EIPR1: variants seen among roughly 807,000 people sequenced by gnomAD.
EIPR1 encodes EARP and GARP complex-interacting protein 1.
Under a neutral mutation model 48.1 loss-of-function variants are expected in EIPR1, and 25 were observed. That is an observed-to-expected ratio of 0.52 (90% CI 0.38 to 0.73). EIPR1 has a LOEUF of 0.73. Among genes scored for constraint, EIPR1 ranks in the 30% least tolerant of loss-of-function variants. The pLI is 0.00. For missense variants in EIPR1, 415 were observed against 506.2 expected, an observed-to-expected ratio of 0.82 and a Z score of 1.73; for synonymous variants, 204 against 201.9, an observed-to-expected ratio of 1.01 and a Z score of -0.09.
rs1664536827 is a variant in EIPR1, at chr2:3,189,703, CCCT to C, written c.990-198_990-196del. Among the ~76,000 whole-genome samples, 2 of 152,162 alleles carry C rather than the reference CCCT, an allele frequency of 1.3e-5. No homozygotes were observed. Among genetic ancestry groups the C allele is most frequent in the Non-Finnish European group, 2.9e-5 (2 of 68,026 alleles). ...GGTGGTCCCTGCAGAAGCCCAGAAA[CCCT>C]CACTGTCACTGTGAGGAGTGGGCAT... On this transcript the variant is annotated intron_variant, in intron 8 of 8. Coordinates refer to ENST00000382125, the MANE Select transcript of EIPR1 (RefSeq NM_003310.5). This position sits in a 1 kb window ranked among gnomAD's most constrained non-coding sequence, Gnocchi z 4.6.
chr2:3,263,935 G>T (rs947300468), intron 3 of EIPR1, among the ~76,000 whole-genome samples: 1 of 152,182 alleles, frequency 6.6e-6, no homozygotes, highest in Non-Finnish European at 1.5e-5. Flanking sequence ...ATTCATATTT[G>T]CATTACCTTA....
chr2:3,302,148 C>T (rs1572415759), intron 3 of EIPR1, among the ~76,000 whole-genome samples: 1 of 152,128 alleles, frequency 6.6e-6, no homozygotes. Context: ...CCAGATCCAG[C>T]CACCTGAAAA....
intron 4 of EIPR1, 64 bp downstream of exon 4, chr2:3,257,235 C>T: frequency 6.5e-7 from 1 of 1,540,080 alleles, no homozygotes; most frequent in Non-Finnish European, 8.8e-7. Flanking sequence ...GGAATCTGCA[C>T]AAGCTCCTGC....
At chr2:3,234,254 C>A (rs1034216281) in intron 4 of EIPR1, among the ~76,000 whole-genome samples, 2 of 152,222 alleles carry the variant, frequency 1.3e-5, no homozygotes, top group African/African-American at 4.8e-5. Flanking sequence ...CGCTCAATGT[C>A]ACTGGCTGAA....
chr2:3,326,047 C>G (rs1669688161), intron 3 of EIPR1, among the ~76,000 whole-genome samples: 1 of 152,208 alleles, frequency 6.6e-6, no homozygotes, highest in Non-Finnish European at 1.5e-5. Context: ...CTCCCCAGTG[C>G]AGAGGAGGCT....
intron 3 of EIPR1, chr2:3,274,387 C>G (rs910346715): frequency 2.7e-5 from 42 of 1,550,188 alleles, no homozygotes; most frequent in Non-Finnish European, 3.6e-5. Context: ...CCAAGAGCAC[C>G]AAAGGAATCC....
intron 5 of EIPR1, chr2:3,207,698 AT>A: frequency 6.6e-6 from 1 of 152,332 alleles, no homozygotes; most frequent in East Asian, 1.9e-4. Flanking sequence ...TTTGTTTTGT[AT>A]TACCAGAAAG....
chr2:3,319,664 C>T (rs182639969), intron 3 of EIPR1: 21 of 165,040 alleles, frequency 1.3e-4, no homozygotes, highest in African/African-American at 5.3e-4. Context: ...CTTCCTCCCT[C>T]CAGCAAACAA....
At chr2:3,276,294 G>T (rs755718043) in intron 3 of EIPR1, among the ~76,000 whole-genome samples, 3 of 152,158 alleles carry the variant, frequency 2.0e-5, no homozygotes, top group Non-Finnish European at 2.9e-5. Context: ...AGCTATTCTG[G>T]TGCATAAATA....
At position 3,230,909 on chromosome 2, in the gene EIPR1, T is replaced by C. The variant is rs149233863; in HGVS notation, c.417-16661A>G. ...AATGCCATCAGAACTTTGATGGGGATTGCATTGAATCTGTAGATGATTTTG... is the reference window on the plus strand; with the variant it reads ...AATGCCATCAGAACTTTGATGGGGACTGCATTGAATCTGTAGATGATTTTG... On this transcript the variant is annotated intron_variant, in intron 4 of 8. Coordinates refer to ENST00000382125, the MANE Select transcript of EIPR1 (RefSeq NM_003310.5). Among the ~76,000 whole-genome samples the C allele has an allele frequency of 2.6e-3, 390 of 152,344 alleles. 3 individuals carry two copies. Among genetic ancestry groups the C allele is most frequent in the African/African-American group, 8.5e-3 (355 of 41,578 alleles).
intron 3 of EIPR1, among the ~76,000 whole-genome samples, chr2:3,292,343 CT>C (rs1392794126): frequency 2.0e-5 from 3 of 152,226 alleles, no homozygotes; most frequent in African/African-American, 7.2e-5. Context: ...GCCCCAGATA[CT>C]TCCCCCATGC....
intron 5 of EIPR1, among the ~76,000 whole-genome samples, chr2:3,200,414 C>G (rs1664989360): frequency 6.6e-6 from 1 of 152,232 alleles, no homozygotes; most frequent in South Asian, 2.1e-4. Context: ...ATCCGCTCTA[C>G]TGTCGTATGT....
At chr2:3,190,717 G>A (rs1004203677) in intron 8 of EIPR1, among the ~76,000 whole-genome samples, 1 of 152,140 alleles carries the variant, frequency 6.6e-6, no homozygotes, top group Non-Finnish European at 1.5e-5. Context: ...ACGGTAAAGG[G>A]AGCCAGGCCC....
chr2:3,310,601 C>A (rs978374967), intron 3 of EIPR1, among the ~76,000 whole-genome samples: 4 of 142,608 alleles, frequency 2.8e-5, no homozygotes, highest in Admixed American at 7.3e-5. Context: ...TGCAGTGAGC[C>A]GAGATCCCGC....
At chr2:3,372,045 G>A (rs927404019) in intron 1 of EIPR1, among the ~76,000 whole-genome samples, 1 of 151,810 alleles carries the variant, frequency 6.6e-6, no homozygotes, top group African/African-American at 2.4e-5. Flanking sequence ...TCAGACAACA[G>A]TGCAATCAAA....
rs964793523 is a variant in EIPR1 at position 3,221,990 on chromosome 2, G to GT, written c.417-7743dup. Among the ~76,000 whole-genome samples, 240 of 149,246 alleles carry GT rather than the reference G, an allele frequency of 1.6e-3. 1 individual carries two copies. Among genetic ancestry groups the GT allele is most frequent in the African/African-American group, 4.1e-3 (165 of 40,634 alleles). ...AACTTGTTTCCCAAATCCCCTCGCG[G>GT]TTTTTTTTTTGTTTGTTTCACAAGA... On this transcript the variant is annotated intron_variant, in intron 4 of 8. Transcript: ENST00000382125.
intron 3 of EIPR1, among the ~76,000 whole-genome samples, chr2:3,307,677 G>A (rs149711420): frequency 5.5e-4 from 84 of 152,308 alleles, no homozygotes; most frequent in South Asian, 1.9e-3. Flanking sequence ...TAGACTGCCC[G>A]TTACCAGAGG....
At chr2:3,200,928 G>A (rs1363114290) in intron 5 of EIPR1, among the ~76,000 whole-genome samples, 1 of 152,204 alleles carries the variant, frequency 6.6e-6, no homozygotes, top group Non-Finnish European at 1.5e-5. Flanking sequence ...TGGGCAGGGA[G>A]GTGGCAGGGC....
At chr2:3,292,858 G>GAA (rs57175137) in intron 3 of EIPR1, among the ~76,000 whole-genome samples, 22 of 120,646 alleles carry the variant, frequency 1.8e-4, no homozygotes, top group Admixed American at 1.6e-4. Flanking sequence ...AAAATGTTTT[G>GAA]AAAAAAAAAA....
Sources: allele counts gnomAD v4.1 joint callset (sites outside exome capture counted in the v4.1 genomes callset), GRCh38; gene constraint gnomAD v4.1.1; non-coding constraint Gnocchi (gnomAD v3.1); transcripts MANE v1.5; gene names NCBI Gene and HGNC (gene_info 2026-07-23, HGNC 2026-07-21).